TBC1D5: variants seen among roughly 807,000 people sequenced by gnomAD.
TBC1D5 encodes the protein TBC1 domain family member 5, also known as TBC1 domain family, member 5.
In TBC1D5, 75 loss-of-function variants were observed where a neutral mutation model predicts 100.3. The ratio of observed to expected loss-of-function variants is 0.75; its 90% CI spans 0.62 to 0.91. The LOEUF (loss-of-function observed/expected upper bound fraction) is 0.91, where lower values mean the gene tolerates loss of function less well. Among genes scored for constraint, TBC1D5 ranks in the 40% least tolerant of loss-of-function variants. The pLI, the probability that TBC1D5 is intolerant of heterozygous loss-of-function variation, is 0.00. For synonymous variants in TBC1D5, 323 were observed against 325.6 expected, an observed-to-expected ratio of 0.99 and a Z score of 0.09; for missense variants, 910 against 942.4, an observed-to-expected ratio of 0.97 and a Z score of 0.45.
intron 2 of TBC1D5, among the ~76,000 whole-genome samples, chr3:17,593,813 T>C (rs2060390529): frequency 6.6e-6 from 1 of 152,186 alleles, no homozygotes; most frequent in Admixed American, 6.5e-5. Context: ...GAAGTCACAA[T>C]TACAACGCCA....
intron 1 of TBC1D5, among the ~76,000 whole-genome samples, chr3:17,710,854 C>A (rs1012490772): frequency 2.0e-5 from 3 of 151,964 alleles, no homozygotes; most frequent in Non-Finnish European, 4.4e-5. Context: ...TGCGTCACCA[C>A]GCCCAGCTAA....
chr3:17,394,087 G>A lies in TBC1D5; in HGVS notation c.509+9094C>T, dbSNP rs150712751. Among the ~76,000 whole-genome samples the A allele has an allele frequency of 3.3e-3, 501 of 152,168 alleles. 4 individuals are homozygous for A. Among genetic ancestry groups the A allele is most frequent in the African/African-American group, 0.012 (479 of 41,548 alleles). ...AGGGATCTGCTAAACATCCTACAGTGCGCAAAACAACCTCTCAAAACAAAG... is the reference window on the plus strand; with the variant it reads ...AGGGATCTGCTAAACATCCTACAGTACGCAAAACAACCTCTCAAAACAAAG... On this transcript the variant is annotated intron_variant, in intron 8 of 21. Transcript: ENST00000253692.
At chr3:17,670,928 T>C (rs1370469864) in intron 1 of TBC1D5, among the ~76,000 whole-genome samples, 1 of 152,196 alleles carries the variant, frequency 6.6e-6, no homozygotes. Flanking sequence ...AGGGAGGGTG[T>C]GCAGATATCT....
chr3:17,631,181 C>T (rs765070055), intron 1 of TBC1D5, among the ~76,000 whole-genome samples: 5 of 151,966 alleles, frequency 3.3e-5, no homozygotes, highest in Admixed American at 6.6e-5. Flanking sequence ...GCCTTAGTGC[C>T]GATATGAAGA....
rs1033826079 is a variant in TBC1D5 at position 17,559,582 on chromosome 3, T to C, written c.-35-50977A>G. Among the ~76,000 whole-genome samples the C allele has an allele frequency of 2.0e-5, 3 of 150,092 alleles. No homozygotes were observed. The Admixed American group carries it at 2.0e-4, about 10-fold the overall frequency. Reference sequence around the variant, plus strand: ...TGGAATTCACATTCACTGACCACAATACAAATCTAGAATTTTTTTTTTTTT... The same window carrying C: ...TGGAATTCACATTCACTGACCACAACACAAATCTAGAATTTTTTTTTTTTT... On this transcript the variant is annotated intron_variant, in intron 2 of 21. Coordinates refer to ENST00000253692, the Ensembl canonical transcript of TBC1D5.
At chr3:17,435,335 A>G (rs2094516927) in intron 3 of TBC1D5, among the ~76,000 whole-genome samples, 2 of 152,182 alleles carry the variant, frequency 1.3e-5, no homozygotes, top group African/African-American at 4.8e-5. Flanking sequence ...ACCTTATCAC[A>G]TTGCTATAAA....
chr3:17,584,056 A>G (rs1576844084), intron 2 of TBC1D5, among the ~76,000 whole-genome samples: 2 of 152,348 alleles, frequency 1.3e-5, no homozygotes, highest in Middle Eastern at 6.8e-3. Context: ...AAAATTTGAA[A>G]TATTATGTTA....
chr3:17,291,597 G>A (rs933421900), intron 15 of TBC1D5, among the ~76,000 whole-genome samples: 1 of 152,172 alleles, frequency 6.6e-6, no homozygotes, highest in Non-Finnish European at 1.5e-5. Context: ...TGGCTGTAAG[G>A]AGAGGTAGTT....
intron 2 of TBC1D5, among the ~76,000 whole-genome samples, chr3:17,571,769 T>C (rs1224721986): frequency 6.6e-6 from 1 of 151,982 alleles, no homozygotes; most frequent in Admixed American, 6.6e-5. Context: ...CTAAAACACA[T>C]ACATCCACTG....
chr3:17,188,732 G>A (rs1247697895), intron 18 of TBC1D5, among the ~76,000 whole-genome samples: 1 of 152,184 alleles, frequency 6.6e-6, no homozygotes, highest in African/African-American at 2.4e-5. Flanking sequence ...TGTGGGAACT[G>A]ACTTTACATT....
chr3:17,461,761 C>T (rs890566495), intron 3 of TBC1D5, among the ~76,000 whole-genome samples: 1 of 152,116 alleles, frequency 6.6e-6, no homozygotes, highest in Admixed American at 6.5e-5. Flanking sequence ...CTTCTCTAAC[C>T]CACTTCCTAT....
intron 1 of TBC1D5, among the ~76,000 whole-genome samples, chr3:17,734,393 T>C (rs2076799687): frequency 6.6e-6 from 1 of 152,154 alleles, no homozygotes; most frequent in African/African-American, 2.4e-5. Context: ...CATTAAACAG[T>C]ATTGAGGAAA....
intron 13 of TBC1D5, among the ~76,000 whole-genome samples, chr3:17,312,287 T>TA (rs1486068303): frequency 6.6e-6 from 1 of 152,132 alleles, no homozygotes; most frequent in Non-Finnish European, 1.5e-5. Context: ...GTTTTACACT[T>TA]ACTAGTCTTC....
intron 1 of TBC1D5, among the ~76,000 whole-genome samples, chr3:17,661,821 G>T (rs998029083): frequency 6.6e-6 from 1 of 151,894 alleles, no homozygotes; most frequent in Non-Finnish European, 1.5e-5. Context: ...AAGTGTTTTT[G>T]GACACAGTTG....
chr3:17,694,145 G>C (rs2071622618), intron 1 of TBC1D5, among the ~76,000 whole-genome samples: 1 of 152,220 alleles, frequency 6.6e-6, no homozygotes, highest in South Asian at 2.1e-4. Context: ...GGAGAAACCA[G>C]AGCAGAAAAG....
At chr3:17,228,594 TCA>T in intron 17 of TBC1D5, among the ~76,000 whole-genome samples, 1 of 152,266 alleles carries the variant, frequency 6.6e-6, no homozygotes, top group South Asian at 2.1e-4. Flanking sequence ...CATATATGCA[TCA>T]CATAAGACTG....
At chr3:17,292,682 A>G (rs2081888276) in intron 14 of TBC1D5, among the ~76,000 whole-genome samples, 1 of 152,142 alleles carries the variant, frequency 6.6e-6, no homozygotes, top group Non-Finnish European at 1.5e-5. Flanking sequence ...CTTTTCAGGC[A>G]GGTCTATGTA....
chr3:17,602,445 C>T (rs1030354277), intron 2 of TBC1D5, among the ~76,000 whole-genome samples: 2 of 151,836 alleles, frequency 1.3e-5, no homozygotes, highest in Admixed American at 1.3e-4. Flanking sequence ...ATGTAGATAG[C>T]TAAGCTCTGT....
intron 19 of TBC1D5, among the ~76,000 whole-genome samples, chr3:17,172,868 T>C (rs2067302967): frequency 6.6e-6 from 1 of 152,136 alleles, no homozygotes; most frequent in African/African-American, 2.4e-5. Flanking sequence ...TATTTGGTGG[T>C]GGTGAGGGTG....
Sources: allele counts gnomAD v4.1 joint callset (sites outside exome capture counted in the v4.1 genomes callset), GRCh38; gene constraint gnomAD v4.1.1; transcripts MANE v1.5; gene names NCBI Gene and HGNC (gene_info 2026-07-23, HGNC 2026-07-21).